The following LRFN5 variants were observed in gnomAD, a reference collection of about 807,000 sequenced individuals.
LRFN5 encodes the protein leucine rich repeat and fibronectin type III domain containing 5.
Under a neutral mutation model 45.6 loss-of-function variants are expected in LRFN5, and 24 were observed. The ratio of observed to expected loss-of-function variants is 0.53; its 90% CI spans 0.38 to 0.74. The LOEUF (loss-of-function observed/expected upper bound fraction) is 0.74, where lower values mean the gene tolerates loss of function less well. Ranked by LOEUF, LRFN5 falls within the 30% of genes least tolerant of loss-of-function variation. The pLI is 0.00. For synonymous variants in LRFN5, 340 were observed against 313.8 expected, an observed-to-expected ratio of 1.08 and a Z score of -0.88; for missense variants, 776 against 861.5, an observed-to-expected ratio of 0.90 and a Z score of 1.24.
chr14:41,751,758 A>G (rs1885142738), intron 1 of LRFN5, among the ~76,000 whole-genome samples: 1 of 152,030 alleles, frequency 6.6e-6, no homozygotes, highest in African/African-American at 2.4e-5. Flanking sequence ...GTCCCACACA[A>G]GAATGTCATT....
chr14:41,860,359 T>C (rs1179772342), intron 2 of LRFN5, among the ~76,000 whole-genome samples: 1 of 152,192 alleles, frequency 6.6e-6, no homozygotes, highest in African/African-American at 2.4e-5. Context: ...TGTTTCTCCT[T>C]TTTAATCCAA....
intron 1 of LRFN5, among the ~76,000 whole-genome samples, chr14:41,719,509 C>G (rs1326267074): frequency 6.6e-6 from 1 of 151,940 alleles, no homozygotes; most frequent in Non-Finnish European, 1.5e-5. Flanking sequence ...ACATAGCAAC[C>G]TTTATTTCTT....
intron 4 of LRFN5, chr14:41,892,943 A>G (rs1890831956): frequency 1.0e-6 from 1 of 985,358 alleles, no homozygotes; most frequent in Non-Finnish European, 1.2e-6. Flanking sequence ...GGAGACAAAC[A>G]TACAAGACTG....
chr14:41,668,405 G>T (rs966864295), intron 1 of LRFN5, among the ~76,000 whole-genome samples: 1 of 152,002 alleles, frequency 6.6e-6, no homozygotes, highest in Admixed American at 6.6e-5. Context: ...TTTATCCCAA[G>T]CTCCCTACTT....
intron 1 of LRFN5, among the ~76,000 whole-genome samples, chr14:41,723,754 C>T (rs1883819971): frequency 1.3e-5 from 2 of 152,120 alleles, no homozygotes; most frequent in Admixed American, 1.3e-4. Context: ...TACTACTGAG[C>T]CACTTTTCAC....
At chr14:41,637,549 C>T (rs575224483) in intron 1 of LRFN5, among the ~76,000 whole-genome samples, 19 of 152,174 alleles carry the variant, frequency 1.2e-4, no homozygotes, top group Non-Finnish European at 4.4e-5. Context: ...GTTATCACAG[C>T]GCAGTAGTTA....
At chr14:41,828,142 A>G (rs1233115174) in intron 2 of LRFN5, among the ~76,000 whole-genome samples, 1 of 152,022 alleles carries the variant, frequency 6.6e-6, no homozygotes, top group East Asian at 1.9e-4. Context: ...ACTTTATGTC[A>G]GTAGAACAGA....
chr14:41,708,556 C>A (rs1284578170), intron 1 of LRFN5, among the ~76,000 whole-genome samples: 1 of 151,920 alleles, frequency 6.6e-6, no homozygotes, highest in African/African-American at 2.4e-5. Flanking sequence ...TTCTTCTAAT[C>A]AAGATTCAAA....
intron 2 of LRFN5, among the ~76,000 whole-genome samples, chr14:41,853,155 T>A (rs1889331053): frequency 6.6e-6 from 1 of 151,996 alleles, no homozygotes. Context: ...GATGGATCCA[T>A]TAAATATTTT....
chr14:41,637,322 G>T (rs1204379661), intron 1 of LRFN5, among the ~76,000 whole-genome samples: 1 of 151,960 alleles, frequency 6.6e-6, no homozygotes, highest in Non-Finnish European at 1.5e-5. Flanking sequence ...TTTCAGCTTG[G>T]TATGTTCAAA....
chr14:41,631,815 C>T (rs770901388), intron 1 of LRFN5, among the ~76,000 whole-genome samples: 12 of 152,090 alleles, frequency 7.9e-5, no homozygotes, highest in Non-Finnish European at 1.5e-4. Flanking sequence ...AGGGCAAATG[C>T]GGCTAAACAG....
At chr14:41,795,570 T>G (rs185408083) in intron 2 of LRFN5, among the ~76,000 whole-genome samples, 1 of 152,062 alleles carries the variant, frequency 6.6e-6, no homozygotes, top group African/African-American at 2.4e-5. Flanking sequence ...ATGTGGCACA[T>G]ATACACCATG....
intron 1 of LRFN5, among the ~76,000 whole-genome samples, chr14:41,708,737 GT>G (rs1370922496): frequency 3.5e-5 from 5 of 143,096 alleles, no homozygotes; most frequent in African/African-American, 1.3e-4. Context: ...TTTACGTTTT[GT>G]TATTGATTGT....
At chr14:41,827,753 T>C (rs1268534315) in intron 2 of LRFN5, among the ~76,000 whole-genome samples, 1 of 152,086 alleles carries the variant, frequency 6.6e-6, no homozygotes, top group East Asian at 1.9e-4. Context: ...TAGAACCATT[T>C]GTTTTAACAA....
chr14:41,609,283 GT>G (rs1887631482), intron 1 of LRFN5, among the ~76,000 whole-genome samples: 1 of 151,942 alleles, frequency 6.6e-6, no homozygotes, highest in Non-Finnish European at 1.5e-5. Flanking sequence ...CAGCTGTATT[GT>G]CCCCGTCACG....
rs949044658 is a variant in LRFN5, at chr14:41,883,009, C to A, written c.-20-3597C>A. ...GACTACAGTTGCACGCCACCACAGC[C>A]GGCTAATTTTTGTATTTTTAGTAGA... is the stretch of plus-strand genomic sequence containing the variant. On this transcript the variant is annotated intron_variant, in intron 2 of 5. Transcript: ENST00000298119. 2.0e-5 allele frequency among the ~76,000 whole-genome samples: 3 copies of A among 151,922 alleles called. No homozygotes were observed. In the East Asian group the frequency reaches 5.8e-4, roughly 30 times the overall value.
chr14:41,742,301 TGTG>T (rs1594665861), intron 1 of LRFN5, among the ~76,000 whole-genome samples: 5 of 122,668 alleles, frequency 4.1e-5, no homozygotes, highest in East Asian at 4.5e-4. Context: ...ATGAAGAAAA[TGTG>T]GTGTGTATAC....
At chr14:41,868,368 T>A (rs886559060) in intron 2 of LRFN5, among the ~76,000 whole-genome samples, 2 of 152,150 alleles carry the variant, frequency 1.3e-5, no homozygotes, top group African/African-American at 4.8e-5. Context: ...GTATTTTAAT[T>A]ATCATGCTCC....
At chr14:41,615,854 T>G (rs2138546727) in intron 1 of LRFN5, among the ~76,000 whole-genome samples, 1 of 152,226 alleles carries the variant, frequency 6.6e-6, no homozygotes, top group Admixed American at 6.5e-5. Flanking sequence ...GTACAGGAGA[T>G]GTTTTGATAC....
Sources: allele counts gnomAD v4.1 joint callset (sites outside exome capture counted in the v4.1 genomes callset), GRCh38; gene constraint gnomAD v4.1.1; transcripts MANE v1.5; gene names NCBI Gene and HGNC (gene_info 2026-07-23, HGNC 2026-07-21).